The following SMIM7 variants were observed in gnomAD, a reference collection of about 807,000 sequenced individuals.
SMIM7 encodes UPF0608 protein C19orf42.
Under a neutral mutation model 13.3 loss-of-function variants are expected in SMIM7, and 12 were observed. The ratio of observed to expected loss-of-function variants is 0.90; its 90% CI spans 0.58 to 1.46. The LOEUF (loss-of-function observed/expected upper bound fraction) is 1.46, where lower values mean the gene tolerates loss of function less well. SMIM7 is among the 40% of genes most tolerant of loss of function. SMIM7 has a pLI of 0.00. For synonymous variants in SMIM7, 36 were observed against 35.8 expected, an observed-to-expected ratio of 1.01 and a Z score of -0.02; for missense variants, 114 against 94.8, an observed-to-expected ratio of 1.20 and a Z score of -0.84.
downstream of SMIM7, among the ~76,000 whole-genome samples, chr19:16,641,983 GAGA>G (rs1420036113): frequency 6.6e-6 from 1 of 152,210 alleles, no homozygotes; most frequent in Non-Finnish European, 1.5e-5. Context: ...GAAGGGCAAT[GAGA>G]AGCGCGTGCA....
At chr19:16,653,118 G>A (rs922476410) in intron 4 of SMIM7, among the ~76,000 whole-genome samples, 1 of 152,220 alleles carries the variant, frequency 6.6e-6, no homozygotes, top group Admixed American at 6.5e-5. Flanking sequence ...AGACGTGACA[G>A]GGCCATGGGC....
rs377475680 is a variant in SMIM7, at chr19:16,654,151, T to C, written c.122-26A>G. On this transcript the variant is annotated intron_variant, in intron 3 of 4. Transcript: ENST00000487416. ...CTGGAAGAATCAGAAAGCACTTTTATGGCACAGCTAACATCCCATCCCTAC... is the reference window on the plus strand; with the variant it reads ...CTGGAAGAATCAGAAAGCACTTTTACGGCACAGCTAACATCCCATCCCTAC... 1.6e-5 allele frequency: 25 copies of C among 1,595,896 alleles called. No individual in the cohort carries two copies. In the African/African-American group the frequency reaches 1.6e-4, roughly 10 times the overall value.
In SMIM7 at chr19:16,650,219, A is replaced by G. The variant is rs140215425; in HGVS notation, c.213-2958T>C. ...AGTTGTGTTGAAACACACTGCCACC[A>G]CCTACATTCTGCAATTAACACTTTG... is the stretch of plus-strand genomic sequence containing the variant. On this transcript the variant is annotated intron_variant, in intron 4 of 4. Coordinates refer to ENST00000487416, the MANE Select transcript of SMIM7 (RefSeq NM_024104.4). 2.8e-3 allele frequency among the ~76,000 whole-genome samples: 432 copies of G among 152,268 alleles called. 2 individuals carry two copies. Among genetic ancestry groups the G allele is most frequent in the Admixed American group, 5.8e-3 (88 of 15,284 alleles).
intron 4 of SMIM7, 198 bp downstream of exon 4, chr19:16,653,837 G>A: frequency 1.8e-6 from 1 of 563,410 alleles, no homozygotes; most frequent in East Asian, 3.1e-5. Flanking sequence ...CGAGGTTGCA[G>A]TGAGCCCAGA....
rs2086543739 is a variant in SMIM7, at chr19:16,652,732, C to T, written c.212+1303G>A. ...CCACTGGGGTGGCACGCAGACTGGA[C>T]AGCAACCCCACATTCGGAGTCTCAA... On this transcript the variant is annotated intron_variant, in intron 4 of 4. Transcript: ENST00000487416. The T allele has an allele frequency of 2.8e-6, 4 of 1,450,794 alleles. No individual in the cohort carries two copies. In the Admixed American group the frequency reaches 1.1e-4, roughly 39 times the overall value. 89.9% of individuals were successfully genotyped at this position (1,450,794 alleles called of 1,614,324 possible). A position where few individuals can be genotyped will look rare whatever the true frequency, so the allele number is the denominator to read the frequency against.
chr19:16,636,011 A>C (rs2086358768), intron 4 of SMIM7, among the ~76,000 whole-genome samples: 1 of 151,554 alleles, frequency 6.6e-6, no homozygotes, highest in Non-Finnish European at 1.5e-5. Context: ...GAACCTGTAA[A>C]TATGTCATGG....
intron 4 of SMIM7, among the ~76,000 whole-genome samples, chr19:16,648,219 C>A (rs2086474827): frequency 6.6e-6 from 1 of 152,156 alleles, no homozygotes; most frequent in Admixed American, 6.5e-5. Flanking sequence ...CGGCTCACTA[C>A]AACCTCTGAC....
chr19:16,649,342 C>T (rs907176063), intron 4 of SMIM7, among the ~76,000 whole-genome samples: 1 of 151,998 alleles, frequency 6.6e-6, no homozygotes, highest in East Asian at 1.9e-4. Context: ...CTTTGGGAGG[C>T]CGATGTGGGT....
intron 4 of SMIM7, chr19:16,634,215 G>A (rs543511710): frequency 6.6e-6 from 1 of 152,254 alleles, no homozygotes; most frequent in East Asian, 1.9e-4. Context: ...GTGACAACAG[G>A]GAGTGACATT....
Position 16,651,462 on chromosome 19 carries a change from G to T in SMIM7, c.212+2573C>A, listed in dbSNP as rs138915504. Among the ~76,000 whole-genome samples the T allele has an allele frequency of 2.4e-4, 37 of 152,330 alleles. No individual in the cohort carries two copies. The East Asian group carries it at 5.8e-3, about 24-fold the overall frequency. On this transcript the variant is annotated intron_variant, in intron 4 of 4. Transcript: ENST00000487416. ...AATGGACCAGAGTGACACCAAGGTG[G>T]GTCAATCAGACTCTGCCCCAGGAAA... is the stretch of plus-strand genomic sequence containing the variant.
intron 4 of SMIM7, chr19:16,634,485 C>T (rs1026672345): frequency 6.6e-6 from 1 of 152,196 alleles, no homozygotes; most frequent in Admixed American, 6.6e-5. Flanking sequence ...CTCAAGAAAA[C>T]TGAAAACATG....
chr19:16,649,677 G>A (rs1311227716), intron 4 of SMIM7, among the ~76,000 whole-genome samples: 1 of 152,190 alleles, frequency 6.6e-6, no homozygotes, highest in Non-Finnish European at 1.5e-5. Context: ...ACTTGTACAT[G>A]AATGTTCTTG....
At chr19:16,643,682 C>A (rs1265714049), downstream of SMIM7, among the ~76,000 whole-genome samples, 3 of 152,148 alleles carry the variant, frequency 2.0e-5, no homozygotes, top group Non-Finnish European at 2.9e-5. Flanking sequence ...CAGGCATGAG[C>A]CACCGTACCA....
At chr19:16,659,306 A>C in intron 3 of SMIM7, 89 bp downstream of exon 3, 1 of 852,146 alleles carries the variant, frequency 1.2e-6, no homozygotes, top group Non-Finnish European at 1.8e-6. Flanking sequence ...AAAAAAAAAG[A>C]GAAAGAAAGA....
At chr19:16,652,911 G>A (rs1445931137) in intron 4 of SMIM7, 1 of 1,550,496 alleles carries the variant, frequency 6.4e-7, no homozygotes, top group East Asian at 2.4e-5. Flanking sequence ...TAGTATCAGA[G>A]TTATGGCCCC....
intron 4 of SMIM7, among the ~76,000 whole-genome samples, chr19:16,648,594 A>T (rs1171929828): frequency 6.6e-6 from 1 of 152,248 alleles, no homozygotes; most frequent in Non-Finnish European, 1.5e-5. Context: ...GCAATAACCC[A>T]ATTTTTAAAA....
chr19:16,643,265 T>C (rs1254462206), downstream of SMIM7, among the ~76,000 whole-genome samples: 1 of 152,216 alleles, frequency 6.6e-6, no homozygotes, highest in Non-Finnish European at 1.5e-5. Context: ...TAGATGATTA[T>C]GCACAGAAGA....
chr19:16,643,312 C>T (rs532416396), downstream of SMIM7, among the ~76,000 whole-genome samples: 305 of 152,216 alleles, frequency 2.0e-3, no homozygotes, highest in Non-Finnish European at 3.7e-3. Flanking sequence ...TGATGGTCTC[C>T]GGAGAATGTG....
At chr19:16,637,228 GTCC>G (rs1349731111) in intron 4 of SMIM7, among the ~76,000 whole-genome samples, 6 of 152,050 alleles carry the variant, frequency 3.9e-5, no homozygotes, top group Admixed American at 3.9e-4. Context: ...AGGAACATAG[GTCC>G]TTGATCAGGT....
Sources: allele counts gnomAD v4.1 joint callset (sites outside exome capture counted in the v4.1 genomes callset), GRCh38; gene constraint gnomAD v4.1.1; transcripts MANE v1.5; gene names NCBI Gene and HGNC (gene_info 2026-07-23, HGNC 2026-07-21).